Variants in IMMP2L observed in about 807,000 individuals in gnomAD.
The protein encoded by IMMP2L is mitochondrial inner membrane protease subunit 2.
A neutral mutation model predicts 19.3 loss-of-function variants in IMMP2L; 18 were observed. That is an observed-to-expected ratio of 0.93 (90% confidence interval 0.64 to 1.38). The LOEUF is 1.38. Among genes scored for constraint, IMMP2L ranks in the 40% most tolerant of loss-of-function variants. IMMP2L has a pLI of 0.00. For missense variants in IMMP2L, 233 were observed against 218.2 expected, an observed-to-expected ratio of 1.07 and a Z score of -0.43; for synonymous variants, 76 against 73.0, an observed-to-expected ratio of 1.04 and a Z score of -0.21.
At chr7:110,985,653 G>A (rs1405971594) in intron 3 of IMMP2L, among the ~76,000 whole-genome samples, 1 of 152,008 alleles carries the variant, frequency 6.6e-6, no homozygotes, top group Admixed American at 6.6e-5. Flanking sequence ...CTCCATATTT[G>A]TTAAGAATGA....
chr7:110,741,415 T>G (rs533934387), intron 5 of IMMP2L, among the ~76,000 whole-genome samples: 171 of 152,376 alleles, frequency 1.1e-3, no homozygotes, highest in African/African-American at 3.9e-3. Context: ...TAGGAGGTAA[T>G]TATGCCATGA....
At chr7:110,945,240 AT>A (rs1817135202) in intron 4 of IMMP2L, among the ~76,000 whole-genome samples, 1 of 151,970 alleles carries the variant, frequency 6.6e-6, no homozygotes, top group Non-Finnish European at 1.5e-5. Context: ...TGAGATTAAC[AT>A]TTTTTAAAAA....
chr7:111,116,069 T>C (rs1016111127), intron 3 of IMMP2L, among the ~76,000 whole-genome samples: 1 of 152,192 alleles, frequency 6.6e-6, no homozygotes, highest in African/African-American at 2.4e-5. Flanking sequence ...CAAGATTCTC[T>C]CAAATCTGCC....
chr7:111,429,419 C>A lies in IMMP2L; in HGVS notation c.239+57819G>T, dbSNP rs557984254. On this transcript the variant is annotated intron_variant, in intron 3 of 5. Transcript: ENST00000405709. ...TATGATGCCTCCTCTGGCTTGGCAGCCTAAACAAACAAGCTTTCCACACAT... is the reference window on the plus strand; with the variant it reads ...TATGATGCCTCCTCTGGCTTGGCAGACTAAACAAACAAGCTTTCCACACAT... Among the ~76,000 whole-genome samples, 13 of 151,960 alleles carry A rather than the reference C, an allele frequency of 8.6e-5. 1 individual carries two copies. The highest frequency in any genetic ancestry group is 3.1e-4 in the African/African-American group (13 of 41,302).
At chr7:111,064,725 C>A (rs1215110090) in intron 3 of IMMP2L, among the ~76,000 whole-genome samples, 1 of 152,172 alleles carries the variant, frequency 6.6e-6, no homozygotes, top group East Asian at 1.9e-4. Context: ...CACCTGGACA[C>A]CTTGGGCTCC....
At chr7:111,222,563 G>A (rs1328661621) in intron 3 of IMMP2L, among the ~76,000 whole-genome samples, 1 of 151,874 alleles carries the variant, frequency 6.6e-6, no homozygotes, top group Non-Finnish European at 1.5e-5. Context: ...ATATGCATAT[G>A]AAAAGATGTT....
At chr7:111,441,863 G>T (rs1052222257) in intron 3 of IMMP2L, among the ~76,000 whole-genome samples, 2 of 151,756 alleles carry the variant, frequency 1.3e-5, no homozygotes, top group Non-Finnish European at 2.9e-5. Context: ...AGTAGTCCGG[G>T]CACTGTGGCT....
intron 3 of IMMP2L, among the ~76,000 whole-genome samples, chr7:111,452,574 C>G (rs1839303422): frequency 6.6e-6 from 1 of 152,056 alleles, no homozygotes; most frequent in Non-Finnish European, 1.5e-5. Context: ...AATTAAAGGA[C>G]AAAGAGAAGA....
intron 3 of IMMP2L, among the ~76,000 whole-genome samples, chr7:111,076,219 G>C (rs1795400175): frequency 4.6e-5 from 7 of 152,222 alleles, no homozygotes. Context: ...CTGGCAGGCT[G>C]TTGGAGATGC....
chr7:111,321,970 G>T (rs1393186605), intron 3 of IMMP2L, among the ~76,000 whole-genome samples: 1 of 151,920 alleles, frequency 6.6e-6, no homozygotes. Context: ...AATGCCATAT[G>T]TTAAAACTCA....
At position 111,181,755 on chromosome 7, in the gene IMMP2L, G is replaced by A. The variant is rs1019144067; in HGVS notation, c.240-218190C>T. Among the ~76,000 whole-genome samples the A allele has an allele frequency of 9.2e-5, 14 of 152,002 alleles. 1 individual carries two copies. The highest frequency in any genetic ancestry group is 1.5e-4 in the Non-Finnish European group (10 of 67,954). Reference sequence around the variant, plus strand: ...CACAAACAATAACAAAAAGTTGACCGTAACTATTTTCAACGGCATGATAAA... The same window carrying A: ...CACAAACAATAACAAAAAGTTGACCATAACTATTTTCAACGGCATGATAAA... On this transcript the variant is annotated intron_variant, in intron 3 of 5. Coordinates refer to ENST00000405709, the MANE Select transcript of IMMP2L (RefSeq NM_032549.4).
At chr7:110,743,620 G>T (rs1797132662) in intron 5 of IMMP2L, among the ~76,000 whole-genome samples, 1 of 152,150 alleles carries the variant, frequency 6.6e-6, no homozygotes, top group South Asian at 2.1e-4. Context: ...TTGGTCAGTG[G>T]GTGCAGCCCA....
chr7:111,288,230 T>G (rs907455713), intron 3 of IMMP2L, among the ~76,000 whole-genome samples: 1 of 152,172 alleles, frequency 6.6e-6, no homozygotes, highest in African/African-American at 2.4e-5. Flanking sequence ...GGAAGAGATA[T>G]TCTATGAAAG....
At chr7:110,960,784 T>C (rs1451738302) in intron 4 of IMMP2L, among the ~76,000 whole-genome samples, 1 of 151,824 alleles carries the variant, frequency 6.6e-6, no homozygotes, top group East Asian at 1.9e-4. Context: ...TTATATATCC[T>C]CCCCTAAATG....
chr7:111,126,247 C>G (rs184182905), intron 3 of IMMP2L, among the ~76,000 whole-genome samples: 134 of 152,244 alleles, frequency 8.8e-4, no homozygotes, highest in African/African-American at 3.2e-3. Context: ...AAGCAAATAA[C>G]TTAATAATTT....
chr7:110,886,540 G>A, intron 5 of IMMP2L, 53 bp downstream of exon 5: 1 of 974,832 alleles, frequency 1.0e-6, no homozygotes, highest in South Asian at 1.3e-5. Flanking sequence ...ACATAGTTTT[G>A]TTCTCACCTT....
intron 3 of IMMP2L, among the ~76,000 whole-genome samples, chr7:111,322,465 G>T (rs2130516206): frequency 6.6e-6 from 1 of 151,780 alleles, no homozygotes; most frequent in Non-Finnish European, 1.5e-5. Flanking sequence ...CCAAATCAAT[G>T]AAATGTTGAA....
At chr7:110,879,312 C>T (rs1477860017) in intron 5 of IMMP2L, among the ~76,000 whole-genome samples, 2 of 151,508 alleles carry the variant, frequency 1.3e-5, no homozygotes, top group Non-Finnish European at 2.9e-5. Flanking sequence ...CACTTGAACC[C>T]AGGAGGCGGA....
intron 5 of IMMP2L, among the ~76,000 whole-genome samples, chr7:110,703,797 G>A (rs1408461072): frequency 6.6e-6 from 1 of 151,964 alleles, no homozygotes; most frequent in Non-Finnish European, 1.5e-5. Flanking sequence ...AAATCTTACG[G>A]AATTGTAATC....
Sources: allele counts gnomAD v4.1 joint callset (sites outside exome capture counted in the v4.1 genomes callset), GRCh38; gene constraint gnomAD v4.1.1; transcripts MANE v1.5; gene names NCBI Gene and HGNC (gene_info 2026-07-23, HGNC 2026-07-21).